MSH4: variants seen among roughly 807,000 people sequenced by gnomAD.
The protein encoded by MSH4 is mutS homolog 4.
MSH4 carries 106 observed loss-of-function variants against 113.7 expected under a neutral mutation model. The ratio of observed to expected loss-of-function variants is 0.93; its 90% confidence interval spans 0.80 to 1.10. MSH4 has a LOEUF of 1.10. Among genes scored for constraint, MSH4 ranks in the 50% least tolerant of loss-of-function variants. The pLI is 0.00. For missense variants in MSH4, 1,061 were observed against 1,093.7 expected (o/e 0.97, Z 0.42); for synonymous variants, 368 against 380.2 (o/e 0.97, Z 0.37).
intron 7 of MSH4, among the ~76,000 whole-genome samples, chr1:75,846,071 G>A (rs955271114): frequency 2.0e-4 from 30 of 152,264 alleles, no homozygotes; most frequent in African/African-American, 7.2e-4. Context: ...TGGCTGAGAG[G>A]TGCTATGCCA....
intron 1 of MSH4, among the ~76,000 whole-genome samples, chr1:75,798,058 TAA>T (rs1649857460): frequency 6.6e-6 from 1 of 152,246 alleles, no homozygotes; most frequent in Non-Finnish European, 1.5e-5. Flanking sequence ...AATGGTAAAG[TAA>T]CAAATACCAA....
chr1:75,805,847 AATCATC>A (rs965054732), intron 2 of MSH4, among the ~76,000 whole-genome samples: 4 of 152,160 alleles, frequency 2.6e-5, no homozygotes, highest in African/African-American at 4.8e-5. Context: ...CTAATTTAGT[AATCATC>A]ATCATCATCA....
At chr1:75,862,180 A>T (rs116807053) in intron 8 of MSH4, among the ~76,000 whole-genome samples, 3,390 of 152,228 alleles carry the variant, frequency 0.022, 145 homozygotes, top group African/African-American at 0.076. Flanking sequence ...TCCTCCAGGT[A>T]CAGTCACTCA....
In MSH4 at chr1:75,803,711, T is replaced by A. The variant is rs762022666; in HGVS notation, c.245-20T>A. The A allele has an allele frequency of 5.3e-6, 8 of 1,504,896 alleles. No individual in the cohort carries two copies. The highest frequency in any genetic ancestry group is 7.2e-6 in the Non-Finnish European group (8 of 1,118,056). 93.2% of individuals were successfully genotyped at this position (1,504,896 alleles called of 1,614,324 possible). On this transcript the variant is annotated intron_variant, in intron 1 of 19. Coordinates refer to ENST00000263187, the MANE Select transcript of MSH4 (RefSeq NM_002440.4). ...ATAATTCAAATCTTTAAGAATTGAC[T>A]GTTAATTTTTCAAATTTAGGTTCAT...
At chr1:75,872,611 A>G (rs1413908859) in intron 9 of MSH4, among the ~76,000 whole-genome samples, 1 of 152,224 alleles carries the variant, frequency 6.6e-6, no homozygotes, top group Non-Finnish European at 1.5e-5. Flanking sequence ...ACATTTTAAA[A>G]AAAAGAAAGA....
chr1:75,885,063 A>ATG (rs1652040385), intron 15 of MSH4, among the ~76,000 whole-genome samples: 1 of 133,060 alleles, frequency 7.5e-6, no homozygotes, highest in African/African-American at 2.9e-5. Context: ...GTGTGTGTAT[A>ATG]TATATATATA....
At chr1:75,901,459 A>G (rs895854287) in intron 19 of MSH4, among the ~76,000 whole-genome samples, 1 of 152,024 alleles carries the variant, frequency 6.6e-6, no homozygotes, top group Non-Finnish European at 1.5e-5. Flanking sequence ...GTGATTCTTT[A>G]TCCATGTTGC....
chr1:75,803,729 A>C lies in MSH4; in HGVS notation c.245-2A>C. 6.5e-7 allele frequency: 1 copy of C among 1,543,282 alleles called. No homozygotes were observed. The highest frequency in any genetic ancestry group is 8.7e-7 in the Non-Finnish European group (1 of 1,149,104). On this transcript the variant is annotated splice_acceptor_variant, in intron 1 of 19. Transcript: ENST00000263187. LOFTEE classifies it high-confidence loss of function. ...AATTGACTGTTAATTTTTCAAATTT[A>C]GGTTCATACTTTGGAAACAAAAGAG... is the stretch of plus-strand genomic sequence containing the variant.
At chr1:75,837,160 G>T (rs558856556) in intron 7 of MSH4, among the ~76,000 whole-genome samples, 3 of 152,054 alleles carry the variant, frequency 2.0e-5, no homozygotes, top group African/African-American at 7.2e-5. Context: ...GAAGCTCAAG[G>T]GAGACTCCTT....
At chr1:75,823,494 A>G (rs768222578) in intron 7 of MSH4, among the ~76,000 whole-genome samples, 5 of 152,136 alleles carry the variant, frequency 3.3e-5, no homozygotes, top group Non-Finnish European at 5.9e-5. Flanking sequence ...ACATGTGCTG[A>G]AATGTGCTGA....
Position 75,867,572 on chromosome 1 carries a change from T to C in MSH4, c.1289T>C (p.Leu430Pro). The change falls in exon 9 of 20, where the codon CTT (leucine) becomes CCT (proline). Residue 430 changes from leucine to proline, a missense_variant. Transcript: ENST00000263187. ...ATATACTTAAAACATACCTTGGAAC[T>C]TGTGGATCCTTTAAAGGTAATTTAT... ...NLIYLKHTLE[L>P]VDPLKIAMKN... 5.7e-6 allele frequency: 9 copies of C among 1,569,746 alleles called. No homozygotes were observed. Among genetic ancestry groups the C allele is most frequent in the Non-Finnish European group, 7.0e-6 (8 of 1,146,602 alleles).
Position 75,797,095 on chromosome 1 carries a change from A to G in MSH4, c.110A>G (p.Glu37Gly). The change falls in exon 1 of 20, where the codon GAG (glutamate) becomes GGG (glycine). Residue 37 changes from glutamate (E) to glycine (G), a missense_variant. Glu to Gly is a moderately conservative substitution (Grantham distance 98). Coordinates refer to ENST00000263187, the MANE Select transcript of MSH4 (RefSeq NM_002440.4). ...QGPRYNFGLQ[E>G]TPQSRPSVQV... Reference sequence around the variant, plus strand: ...CCCCGCTACAATTTCGGACTCCAGGAGACTCCACAGAGCCGCCCTTCGGTC... The same window carrying G: ...CCCCGCTACAATTTCGGACTCCAGGGGACTCCACAGAGCCGCCCTTCGGTC... The G allele has an allele frequency of 2.5e-6, 4 of 1,614,014 alleles. No homozygotes were observed. Among genetic ancestry groups the G allele is most frequent in the Non-Finnish European group, 3.4e-6 (4 of 1,179,920 alleles).
At chr1:75,859,116 T>G (rs1016648026) in intron 8 of MSH4, among the ~76,000 whole-genome samples, 3 of 152,208 alleles carry the variant, frequency 2.0e-5, no homozygotes, top group African/African-American at 4.8e-5. Flanking sequence ...GATATCCACT[T>G]TATCATTTTT....
intron 8 of MSH4, among the ~76,000 whole-genome samples, chr1:75,855,621 C>T (rs1387452981): frequency 6.6e-6 from 1 of 152,188 alleles, no homozygotes; most frequent in Non-Finnish European, 1.5e-5. Flanking sequence ...GTTCACAACG[C>T]CAATCTGTGT....
chr1:75,819,965 C>T (rs763703507), intron 6 of MSH4, among the ~76,000 whole-genome samples: 23 of 152,138 alleles, frequency 1.5e-4, no homozygotes, highest in Non-Finnish European at 2.8e-4. Flanking sequence ...ATCCACCTGC[C>T]TCTGCCTCCC....
chr1:75,839,415 A>G (rs1650903567), intron 7 of MSH4, among the ~76,000 whole-genome samples: 3 of 152,114 alleles, frequency 2.0e-5, no homozygotes, highest in African/African-American at 7.2e-5. Context: ...GCGTTTCACC[A>G]TGTTGGCCAG....
At chr1:75,873,329 T>G (rs1427606439) in intron 9 of MSH4, among the ~76,000 whole-genome samples, 1 of 152,220 alleles carries the variant, frequency 6.6e-6, no homozygotes, top group African/African-American at 2.4e-5. Context: ...TAAATGTGAC[T>G]TCATTAATTC....
intron 3 of MSH4, among the ~76,000 whole-genome samples, chr1:75,807,657 T>C (rs5745332): frequency 0.069 from 10,500 of 152,252 alleles, 456 homozygotes; most frequent in African/African-American, 0.12. Flanking sequence ...ATTTGGAAAT[T>C]AGGTATGGTT....
At chr1:75,821,929 G>A (rs532897634) in intron 6 of MSH4, among the ~76,000 whole-genome samples, 2 of 152,224 alleles carry the variant, frequency 1.3e-5, no homozygotes, top group East Asian at 3.9e-4. Flanking sequence ...AGAACCTCAT[G>A]CTTTTTATTA....
Sources: gnomAD v4.1 joint callset for allele counts (sites outside exome capture counted in the v4.1 genomes callset) on GRCh38, gnomAD v4.1.1 for gene constraint, MANE v1.5 for transcripts, NCBI Gene and HGNC (gene_info 2026-07-23, HGNC 2026-07-21) for gene names.